CSMD1: variants seen among roughly 807,000 people sequenced by gnomAD.
The protein encoded by CSMD1 is CUB and sushi domain-containing protein 1.
Under a neutral mutation model 417.5 loss-of-function variants are expected in CSMD1, and 213 were observed. That is an observed-to-expected ratio of 0.51 (90% confidence interval 0.46 to 0.57). The LOEUF is 0.57. Among genes scored for constraint, CSMD1 ranks in the 20% least tolerant of loss-of-function variants. The pLI, the probability that CSMD1 is intolerant of heterozygous loss-of-function variation, is 0.00. For synonymous variants in CSMD1, 2,862 were observed against 1,736.8 expected, an observed-to-expected ratio of 1.65 and a Z score of -16.11; for missense variants, 6,923 against 4,529.7, an observed-to-expected ratio of 1.53 and a Z score of -15.17.
chr8:4,222,113 A>C (rs1801067014), intron 3 of CSMD1, among the ~76,000 whole-genome samples: 1 of 152,062 alleles, frequency 6.6e-6, no homozygotes, highest in Admixed American at 6.5e-5. Flanking sequence ...AACAAAAAAA[A>C]AAAACAGAAG....
chr8:3,845,440 C>G (rs529057037), intron 5 of CSMD1, among the ~76,000 whole-genome samples: 3 of 152,252 alleles, frequency 2.0e-5, no homozygotes, highest in East Asian at 1.9e-4. Flanking sequence ...CTAAGCATAT[C>G]TAACCACAGA....
At chr8:4,300,706 C>T (rs1408932014) in intron 3 of CSMD1, among the ~76,000 whole-genome samples, 3 of 152,094 alleles carry the variant, frequency 2.0e-5, no homozygotes, top group East Asian at 1.9e-4. Flanking sequence ...CACAACAGTC[C>T]CCGGAGTGTG....
intron 10 of CSMD1, among the ~76,000 whole-genome samples, chr8:3,538,065 A>G (rs1374597888): frequency 6.6e-6 from 1 of 152,244 alleles, no homozygotes; most frequent in Non-Finnish European, 1.5e-5. Context: ...CTGATGGTCA[A>G]TGACCCGATC....
intron 21 of CSMD1, among the ~76,000 whole-genome samples, chr8:3,354,818 T>G (rs941818714): frequency 3.5e-5 from 5 of 142,404 alleles, no homozygotes; most frequent in African/African-American, 1.3e-4. Context: ...TCTCTATATA[T>G]ATCTATAGAT....
intron 5 of CSMD1, among the ~76,000 whole-genome samples, chr8:3,859,755 C>G (rs1019769905): frequency 6.6e-6 from 1 of 152,176 alleles, no homozygotes; most frequent in Non-Finnish European, 1.5e-5. Context: ...CCCTGGCTGA[C>G]AATCCTGAAT....
chr8:3,989,826 C>A (rs1409335266), intron 5 of CSMD1, among the ~76,000 whole-genome samples: 3 of 152,130 alleles, frequency 2.0e-5, no homozygotes, highest in Non-Finnish European at 1.5e-5. Context: ...GTAACCCAAG[C>A]AACAAAATGT....
chr8:3,077,851 T>G (rs1813799174), intron 49 of CSMD1, among the ~76,000 whole-genome samples: 1 of 152,370 alleles, frequency 6.6e-6, no homozygotes, highest in Non-Finnish European at 1.5e-5. Context: ...TATCTTAAAC[T>G]GCACACAGGG....
intron 2 of CSMD1, among the ~76,000 whole-genome samples, chr8:4,552,428 ATTGGTT>A (rs1279572541): frequency 6.6e-6 from 1 of 151,834 alleles, no homozygotes; most frequent in African/African-American, 2.4e-5. Context: ...CCCATCTCCT[ATTGGTT>A]CAACAATGTG....
chr8:4,955,415 T>G (rs1489487189), intron 1 of CSMD1, among the ~76,000 whole-genome samples: 1 of 152,018 alleles, frequency 6.6e-6, no homozygotes, highest in African/African-American at 2.4e-5. Flanking sequence ...CTACTGTGTC[T>G]GTTTGGTGGA....
intron 3 of CSMD1, among the ~76,000 whole-genome samples, chr8:4,394,160 C>G (rs1375262998): frequency 6.6e-6 from 1 of 152,162 alleles, no homozygotes; most frequent in Non-Finnish European, 1.5e-5. Flanking sequence ...TTCATTTGAA[C>G]TATCATCCAA....
rs147034517 is a variant in CSMD1 at position 4,062,296 on chromosome 8, A to G, written c.416-30197T>C. On this transcript the variant is annotated intron_variant, in intron 3 of 69. Coordinates refer to ENST00000635120, the MANE Select transcript of CSMD1 (RefSeq NM_033225.6). Reference sequence around the variant, plus strand: ...AAAACCAAAGTTGGCAGAATAGAGCATGTCAACTGGGGACTTCTAAATAAT... The same window carrying G: ...AAAACCAAAGTTGGCAGAATAGAGCGTGTCAACTGGGGACTTCTAAATAAT... Among the ~76,000 whole-genome samples, 147 of 152,244 alleles carry G rather than the reference A, an allele frequency of 9.7e-4. 1 individual carries two copies. The highest frequency in any genetic ancestry group is 3.5e-3 in the African/African-American group (145 of 41,548).
chr8:4,847,339 C>A (rs958090607), intron 1 of CSMD1, among the ~76,000 whole-genome samples: 6 of 152,034 alleles, frequency 3.9e-5, no homozygotes, highest in African/African-American at 1.4e-4. Flanking sequence ...ACATTTGAAT[C>A]CTAAACAATG....
chr8:3,239,404 T>C lies in CSMD1; in HGVS notation c.4154-9173A>G, dbSNP rs549011784. Among the ~76,000 whole-genome samples, 13 of 152,256 alleles carry C rather than the reference T, an allele frequency of 8.5e-5. No homozygotes were observed. The South Asian group carries it at 2.7e-3, about 32-fold the overall frequency. On this transcript the variant is annotated intron_variant, in intron 26 of 69. Transcript: ENST00000635120. ...TGTCTGACAGAAGGGAAGAAATGAC[T>C]ATGGTGGCCTTCTTAGACCCTGTGG...
chr8:3,413,587 T>C (rs184488909), intron 12 of CSMD1, among the ~76,000 whole-genome samples: 1 of 152,212 alleles, frequency 6.6e-6, no homozygotes, highest in Admixed American at 6.5e-5. Context: ...TAAGCATGTT[T>C]CATGATTATG....
chr8:3,212,207 A>G (rs907647573), intron 30 of CSMD1, among the ~76,000 whole-genome samples: 4 of 152,184 alleles, frequency 2.6e-5, no homozygotes, highest in Admixed American at 6.5e-5. Flanking sequence ...AGTTTTTAAT[A>G]AACTTAAAAA....
rs116704885 is a variant in CSMD1, at chr8:4,048,956, A to G, written c.416-16857T>C. Among the ~76,000 whole-genome samples, 1,061 of 152,222 alleles carry G rather than the reference A, an allele frequency of 7.0e-3. 18 individuals are homozygous for G. The highest frequency in any genetic ancestry group is 0.025 in the African/African-American group (1,023 of 41,514). The stretch of plus-strand genomic sequence containing the variant: ...CTGCAAATATTTCTACTATAAATCT[A>G]TCGTATAAATGTGTGTGAATTTCTC... On this transcript the variant is annotated intron_variant, in intron 3 of 69. Transcript: ENST00000635120.
At chr8:4,689,470 GA>G (rs532213367) in intron 1 of CSMD1, among the ~76,000 whole-genome samples, 1 of 151,864 alleles carries the variant, frequency 6.6e-6, no homozygotes, top group African/African-American at 2.4e-5. Flanking sequence ...GATTTGTGGG[GA>G]AAAAAGGGTT....
intron 2 of CSMD1, among the ~76,000 whole-genome samples, chr8:4,465,013 G>T (rs996699049): frequency 6.6e-6 from 1 of 152,062 alleles, no homozygotes; most frequent in Non-Finnish European, 1.5e-5. Flanking sequence ...GCTACCTTGG[G>T]AAAGGAAGAA....
In CSMD1 at chr8:3,001,076, C is replaced by T. The variant is rs572727361; in HGVS notation, c.8030-945G>A. On this transcript the variant is annotated intron_variant, in intron 52 of 69. Transcript: ENST00000635120. ...CTCACCGTAGCCTCAATCCCTTGGG[C>T]TCAAGTCATCTTTTGGCCTCAGCCT... 1.3e-4 allele frequency among the ~76,000 whole-genome samples: 20 copies of T among 152,014 alleles called. No individual in the cohort carries two copies. The South Asian group carries it at 4.0e-3, about 30-fold the overall frequency.
Sources: allele counts gnomAD v4.1 joint callset (sites outside exome capture counted in the v4.1 genomes callset), GRCh38; gene constraint gnomAD v4.1.1; transcripts MANE v1.5; gene names NCBI Gene and HGNC (gene_info 2026-07-23, HGNC 2026-07-21).